PANK1: variants seen among roughly 807,000 people sequenced by gnomAD.
PANK1 encodes the protein pantothenate kinase 1, also known as pantothenic acid kinase 1.
A neutral mutation model predicts 40.1 loss-of-function variants in PANK1; 18 were observed. The ratio of observed to expected loss-of-function variants is 0.45; its 90% CI spans 0.31 to 0.67. The LOEUF is 0.67. Ranked by LOEUF, PANK1 falls within the 30% of genes least tolerant of loss-of-function variation. PANK1 has a pLI of 0.06. For synonymous variants in PANK1, 242 were observed against 237.7 expected (o/e 1.02, Z -0.17); for missense variants, 457 against 599.6 (o/e 0.76, Z 2.48).
In PANK1 at chr10:89,629,083, T is replaced by A. The variant is rs74853048; in HGVS notation, c.292+15517A>T. Among the ~76,000 whole-genome samples, 4,445 of 152,336 alleles carry A rather than the reference T, an allele frequency of 0.029. 455 individuals are homozygous for A. The East Asian group carries it at 0.33, about 11-fold the overall frequency. On this transcript the variant is annotated intron_variant, in intron 1 of 6. Transcript: ENST00000307534. Reference sequence around the variant, plus strand: ...AAGTCTGTTAAAACTGCATGTATAGTTATTATTTGTCAATTTAAAAAATAA... The same window carrying A: ...AAGTCTGTTAAAACTGCATGTATAGATATTATTTGTCAATTTAAAAAATAA...
intron 3 of PANK1, among the ~76,000 whole-genome samples, chr10:89,596,450 A>T (rs1286293125): frequency 2.0e-5 from 3 of 152,226 alleles, no homozygotes; most frequent in Non-Finnish European, 4.4e-5. Flanking sequence ...ACAACTCCAC[A>T]TAAAGAATTG....
chr10:89,644,589 G>A lies in PANK1; in HGVS notation c.292+11C>T, dbSNP rs201872439. On this transcript the variant is annotated intron_variant, in intron 1 of 6. Transcript: ENST00000307534. ...GCCTTGCGCCCGCGCTCCCCTCCCA[G>A]CGGGACTTACGCGGCCTGTTCTTTC... 1.2e-4 allele frequency: 195 copies of A among 1,584,760 alleles called. No homozygotes were observed. The highest frequency in any genetic ancestry group is 1.6e-4 in the Non-Finnish European group (182 of 1,170,642).
chr10:89,584,390 C>G lies in PANK1; in HGVS notation c.*16G>C. 6.4e-7 allele frequency: 1 copy of G among 1,563,326 alleles called. No homozygotes were observed. The highest frequency in any genetic ancestry group is 8.8e-7 in the Non-Finnish European group (1 of 1,134,154). On this transcript the variant is annotated 3_prime_UTR_variant, in exon 7 of 7. Coordinates refer to ENST00000307534, the MANE Select transcript of PANK1 (RefSeq NM_148977.3). ...TCTCTGTCCTTTTGGGAGGCTGTTT[C>G]CTCCACTGCTCGTCTCTACTTGTCA...
chr10:89,630,491 G>GTTTTT (rs202200905), intron 1 of PANK1, among the ~76,000 whole-genome samples: 3 of 132,554 alleles, frequency 2.3e-5, no homozygotes, highest in African/African-American at 6.1e-5. Context: ...CTAATGTGCA[G>GTTTTT]TTTTTTTGTT....
intron 1 of PANK1, chr10:89,639,189 C>T (rs1360833356): frequency 2.2e-6 from 1 of 453,704 alleles, no homozygotes; most frequent in African/African-American, 2.0e-5. Flanking sequence ...GGGACTGCAT[C>T]TGGTGAAGGC....
chr10:89,612,508 G>A (rs1200963055), intron 1 of PANK1, among the ~76,000 whole-genome samples: 3 of 152,218 alleles, frequency 2.0e-5, no homozygotes, highest in African/African-American at 4.8e-5. Context: ...CATGCTGGGT[G>A]TACCAAGAGA....
At chr10:89,605,493 A>G (rs1844936603) in intron 2 of PANK1, among the ~76,000 whole-genome samples, 1 of 152,128 alleles carries the variant, frequency 6.6e-6, no homozygotes, top group Admixed American at 6.5e-5. Flanking sequence ...TCAAGAAACC[A>G]TTTTCTTTGC....
chr10:89,640,482 C>T (rs1841939058), intron 1 of PANK1, among the ~76,000 whole-genome samples: 1 of 151,926 alleles, frequency 6.6e-6, no homozygotes. Flanking sequence ...TAAAGAGATA[C>T]CAAGCTTGAC....
At chr10:89,619,522 A>G (rs552218530) in intron 1 of PANK1, among the ~76,000 whole-genome samples, 1 of 152,354 alleles carries the variant, frequency 6.6e-6, no homozygotes, top group Admixed American at 6.5e-5. Context: ...AACCAGCTGC[A>G]GAGCCTTAAG....
At position 89,638,873 on chromosome 10, in the gene PANK1, C is replaced by G. The variant is rs569403361; in HGVS notation, c.292+5727G>C. Among the ~76,000 whole-genome samples the G allele has an allele frequency of 4.6e-5, 7 of 152,344 alleles. No individual in the cohort carries two copies. The South Asian group carries it at 1.5e-3, about 32-fold the overall frequency. On this transcript the variant is annotated intron_variant, in intron 1 of 6. Transcript: ENST00000307534. ...TTTAGACTTTTACTACAGCTCTCCT[C>G]CTCTTCTCAGCCTTCACCAGAACCA...
In PANK1 at chr10:89,633,200, G is replaced by A. The variant is rs146301173; in HGVS notation, c.292+11400C>T. 1.2e-3 allele frequency among the ~76,000 whole-genome samples: 185 copies of A among 152,262 alleles called. 3 individuals carry two copies. The East Asian group carries it at 0.029, about 24-fold the overall frequency. ...CAGCATAAGGATACTGAAATGCAGAGTTGGGAAGTCATGTGTATAAACAAC... is the reference window on the plus strand; with the variant it reads ...CAGCATAAGGATACTGAAATGCAGAATTGGGAAGTCATGTGTATAAACAAC... On this transcript the variant is annotated intron_variant, in intron 1 of 6. Transcript: ENST00000307534.
chr10:89,591,973 T>A (rs981599129), intron 5 of PANK1, among the ~76,000 whole-genome samples: 2 of 152,188 alleles, frequency 1.3e-5, no homozygotes, highest in Admixed American at 1.3e-4. Context: ...TGAGAGCCCA[T>A]GAGTACAGCC....
chr10:89,599,110 C>T (rs1777063308), intron 3 of PANK1, 142 bp downstream of exon 3: 2 of 708,300 alleles, frequency 2.8e-6, no homozygotes, highest in Non-Finnish European at 4.8e-6. Context: ...CACTTTAACA[C>T]ACCATTTGAT....
intron 1 of PANK1, among the ~76,000 whole-genome samples, chr10:89,639,702 C>T (rs1240140089): frequency 6.6e-6 from 1 of 152,190 alleles, no homozygotes; most frequent in Non-Finnish European, 1.5e-5. Context: ...TAGGGCCCTG[C>T]CCAGCAAAGT....
chr10:89,644,602 G>T lies in PANK1; in HGVS notation c.290C>A (p.Pro97Gln). 6.3e-7 allele frequency: 1 copy of T among 1,589,542 alleles called. No homozygotes were observed. The highest frequency in any genetic ancestry group is 8.5e-7 in the Non-Finnish European group (1 of 1,172,860). Residue 97 changes from proline (P) to glutamine (Q), a missense_variant and splice_region_variant, in exon 1 of 7, where the codon CCG becomes CAG. Coordinates refer to ENST00000307534, the MANE Select transcript of PANK1 (RefSeq NM_148977.3). ...RRMDSGRKNR[P>Q]PFPWFGMDIG... ...GCTCCCCTCCCAGCGGGACTTACGCGGCCTGTTCTTTCTCCCCGAGTCCAT... is the reference window on the plus strand; with the variant it reads ...GCTCCCCTCCCAGCGGGACTTACGCTGCCTGTTCTTTCTCCCCGAGTCCAT...
intron 5 of PANK1, among the ~76,000 whole-genome samples, chr10:89,590,062 GA>G (rs1177183335): frequency 6.8e-6 from 1 of 147,300 alleles, no homozygotes; most frequent in Non-Finnish European, 1.5e-5. Flanking sequence ...AGAAAGAAAA[GA>G]AAAAGAGATA....
chr10:89,644,824 C>A lies in PANK1; in HGVS notation c.68G>T (p.Ser23Ile). ...PHSPGAPVGT[S>I]AAAVNGLLHN... ...CAGCAGCCCGTTCACAGCGGCGGCG[C>A]TGGTGCCCACGGGGGCCCCTGGAGA... The change falls in exon 1 of 7, where the codon AGC becomes ATC. Residue 23 changes from serine to isoleucine, a missense_variant. Ser to Ile is a moderately radical substitution (Grantham distance 142). Transcript: ENST00000307534. The A allele has an allele frequency of 6.9e-7, 1 of 1,455,892 alleles. No individual in the cohort carries two copies. The highest frequency in any genetic ancestry group is 9.0e-7 in the Non-Finnish European group (1 of 1,112,914). The allele number at this position is 1,455,892 out of a possible 1,614,324, so 90.2% of individuals were successfully genotyped here.
chr10:89,618,684 G>A (rs1169907176), intron 1 of PANK1, among the ~76,000 whole-genome samples: 1 of 152,192 alleles, frequency 6.6e-6, no homozygotes, highest in East Asian at 1.9e-4. Context: ...TCCTAACCTG[G>A]CTGGTAAGTT....
At chr10:89,595,827 AAAAAAAAT>A (rs1256080938) in intron 3 of PANK1, among the ~76,000 whole-genome samples, 23 of 71,370 alleles carry the variant, frequency 3.2e-4, no homozygotes, top group Non-Finnish European at 4.7e-4. Flanking sequence ...AAAAAAAAAA[AAAAAAAAT>A]ATATATATAT....
Sources: gnomAD v4.1 joint callset for allele counts (sites outside exome capture counted in the v4.1 genomes callset) on GRCh38, gnomAD v4.1.1 for gene constraint, MANE v1.5 for transcripts, NCBI Gene and HGNC (gene_info 2026-07-23, HGNC 2026-07-21) for gene names.